The following WDR72 variants were observed in gnomAD, a reference collection of about 807,000 sequenced individuals.
The protein encoded by WDR72 is WD repeat-containing protein 72.
A neutral mutation model predicts 124.2 loss-of-function variants in WDR72; 120 were observed. The observed-to-expected ratio is 0.97, with a 90% confidence interval of 0.83 to 1.12. WDR72 has a LOEUF of 1.12. WDR72 is among the 50% of genes most tolerant of loss of function. WDR72 has a pLI of 0.00. For synonymous variants in WDR72, 452 were observed against 441.7 expected (o/e 1.02, Z -0.29); for missense variants, 1,387 against 1,278.8 (o/e 1.08, Z -1.29).
At chr15:53,636,864 T>A (rs2014642071) in intron 14 of WDR72, among the ~76,000 whole-genome samples, 1 of 152,224 alleles carries the variant, frequency 6.6e-6, no homozygotes, top group Admixed American at 6.5e-5. Flanking sequence ...TTTCTTTTCT[T>A]AACAACTTTA....
At chr15:53,708,021 C>T (rs1022969104) in intron 9 of WDR72, among the ~76,000 whole-genome samples, 1 of 152,212 alleles carries the variant, frequency 6.6e-6, no homozygotes, top group Non-Finnish European at 1.5e-5. Context: ...CTCTCATCCC[C>T]TCTGCCTTCA....
At chr15:53,580,597 A>G (rs2011863689) in intron 18 of WDR72, among the ~76,000 whole-genome samples, 1 of 152,080 alleles carries the variant, frequency 6.6e-6, no homozygotes, top group South Asian at 2.1e-4. Context: ...ACAGAGGCAC[A>G]GCATCTTACA....
intron 18 of WDR72, among the ~76,000 whole-genome samples, chr15:53,566,522 T>C (rs1004222266): frequency 1.3e-5 from 2 of 151,932 alleles, no homozygotes; most frequent in African/African-American, 4.8e-5. Flanking sequence ...AGATATCTAC[T>C]GCCTGGGAGG....
chr15:53,556,306 TTAGAG>T (rs1446359859), intron 18 of WDR72, among the ~76,000 whole-genome samples: 3 of 152,144 alleles, frequency 2.0e-5, no homozygotes, highest in Admixed American at 6.6e-5. Flanking sequence ...AATTGTTAAG[TTAGAG>T]TATTGTTAGA....
rs1393855740 is a variant in WDR72 at position 53,514,617 on chromosome 15, T to A, written c.*3082A>T. 6.6e-6 allele frequency: 1 copy of A among 152,184 alleles called. No individual in the cohort carries two copies. Among genetic ancestry groups the A allele is most frequent in the African/African-American group, 2.4e-5 (1 of 41,442 alleles). The allele number at this position is 152,184 out of a possible 1,614,324, so 9.4% of individuals were successfully genotyped here. ...TTAACAAACTGTATTCTACCATTTT[T>A]CTAATACCATCATGTTCAAAGCAGC... On this transcript the variant is annotated 3_prime_UTR_variant, in exon 20 of 20. Coordinates refer to ENST00000360509, the MANE Select transcript of WDR72 (RefSeq NM_182758.4).
chr15:53,519,432 C>T (rs1469939758), intron 19 of WDR72, among the ~76,000 whole-genome samples: 3 of 152,086 alleles, frequency 2.0e-5, no homozygotes, highest in Non-Finnish European at 4.4e-5. Flanking sequence ...TGTCTCAGTG[C>T]TTCTATTACT....
chr15:53,702,878 T>C (rs2017226294), intron 11 of WDR72, among the ~76,000 whole-genome samples: 2 of 150,770 alleles, frequency 1.3e-5, no homozygotes, highest in Non-Finnish European at 1.5e-5. Context: ...AAAAATAAAT[T>C]CAGAATATTA....
chr15:53,611,439 T>A (rs979493259), intron 16 of WDR72, among the ~76,000 whole-genome samples: 5 of 152,036 alleles, frequency 3.3e-5, no homozygotes, highest in African/African-American at 1.2e-4. Flanking sequence ...GAAACACTTA[T>A]ATTAAATCTT....
intron 18 of WDR72, among the ~76,000 whole-genome samples, chr15:53,583,997 A>G (rs1023500942): frequency 2.0e-5 from 3 of 152,094 alleles, no homozygotes; most frequent in African/African-American, 7.2e-5. Flanking sequence ...ATTCCTGGAA[A>G]ATGTCTAAGA....
At chr15:53,717,294 G>C (rs959596051) in intron 3 of WDR72, among the ~76,000 whole-genome samples, 69 of 152,136 alleles carry the variant, frequency 4.5e-4, no homozygotes, top group African/African-American at 1.6e-3. Flanking sequence ...CCCAGCATAG[G>C]GTAGTTTATA....
At chr15:53,596,031 CAT>C (rs2140337982) in intron 18 of WDR72, among the ~76,000 whole-genome samples, 1 of 152,162 alleles carries the variant, frequency 6.6e-6, no homozygotes, top group East Asian at 1.9e-4. Context: ...TCAGTAATCT[CAT>C]AAAAACAATG....
intron 1 of WDR72, among the ~76,000 whole-genome samples, chr15:53,755,256 A>C (rs566851739): frequency 6.6e-6 from 1 of 152,378 alleles, no homozygotes; most frequent in East Asian, 1.9e-4. Context: ...TATAAAGAAG[A>C]TACTTTAAAT....
intron 13 of WDR72, among the ~76,000 whole-genome samples, chr15:53,682,789 T>C (rs1222847621): frequency 6.6e-6 from 1 of 152,194 alleles, no homozygotes; most frequent in Non-Finnish European, 1.5e-5. Context: ...TGTTATTCAG[T>C]TCCAAAGTTG....
chr15:53,703,363 A>C (rs2017243216), intron 11 of WDR72, among the ~76,000 whole-genome samples: 1 of 152,110 alleles, frequency 6.6e-6, no homozygotes, highest in South Asian at 2.1e-4. Flanking sequence ...AGGTTAAGTG[A>C]CTTGCATCCA....
intron 14 of WDR72, among the ~76,000 whole-genome samples, chr15:53,665,198 ATTTTT>A (rs60292735): frequency 6.7e-6 from 1 of 149,396 alleles, no homozygotes; most frequent in East Asian, 2.0e-4. Flanking sequence ...AGTTTTTCTG[ATTTTT>A]TTTTTGTTTA....
At chr15:53,600,114 T>C (rs2012977533) in intron 17 of WDR72, among the ~76,000 whole-genome samples, 1 of 152,120 alleles carries the variant, frequency 6.6e-6, no homozygotes, top group African/African-American at 2.4e-5. Flanking sequence ...AATAATGTTA[T>C]TATAGTATCT....
intron 14 of WDR72, among the ~76,000 whole-genome samples, chr15:53,621,671 G>T (rs1165039289): frequency 6.6e-6 from 1 of 151,942 alleles, no homozygotes; most frequent in African/African-American, 2.4e-5. Context: ...ACGAATAAAA[G>T]ACTACAAGTG....
intron 18 of WDR72, among the ~76,000 whole-genome samples, chr15:53,569,963 T>A (rs1280305104): frequency 6.6e-6 from 1 of 152,102 alleles, no homozygotes; most frequent in Non-Finnish European, 1.5e-5. Flanking sequence ...AACAACTCAG[T>A]AGGAGTGAGG....
Position 53,514,430 on chromosome 15 carries a change from T to TA in WDR72, c.*3268dup, listed in dbSNP as rs1483559393. 2.0e-5 allele frequency: 3 copies of TA among 152,308 alleles called. No homozygotes were observed. Among genetic ancestry groups the TA allele is most frequent in the African/African-American group, 7.2e-5 (3 of 41,590 alleles). 9.4% of individuals were successfully genotyped at this position (152,308 alleles called of 1,614,324 possible). On this transcript the variant is annotated 3_prime_UTR_variant, in exon 20 of 20. Transcript: ENST00000360509. ...ATTTAATTTTAAAATACTCAATTATTATAATGTGCCCTCTAAGGATGGAAG... is the reference window on the plus strand; with the variant it reads ...ATTTAATTTTAAAATACTCAATTATTAATAATGTGCCCTCTAAGGATGGAAG...
Sources: gnomAD v4.1 joint callset for allele counts (sites outside exome capture counted in the v4.1 genomes callset) on GRCh38, gnomAD v4.1.1 for gene constraint, MANE v1.5 for transcripts, NCBI Gene and HGNC (gene_info 2026-07-23, HGNC 2026-07-21) for gene names.